POR: variants seen among roughly 807,000 people sequenced by gnomAD.
POR encodes the protein NADPH--cytochrome P450 reductase.
Under a neutral mutation model 84.0 loss-of-function variants are expected in POR, and 56 were observed. The observed-to-expected ratio is 0.67, with a 90% CI of 0.54 to 0.83. The LOEUF is 0.83. Ranked by LOEUF, POR falls within the 40% of genes least tolerant of loss-of-function variation. The pLI, the probability that POR is intolerant of heterozygous loss-of-function variation, is 0.00. For missense variants in POR, 938 were observed against 944.3 expected (o/e 0.99, Z 0.09); for synonymous variants, 414 against 400.5 (o/e 1.03, Z -0.40).
chr7:75,985,261 C>T (rs2116626569), intron 12 of POR, 54 bp downstream of exon 12: 7 of 1,517,332 alleles, frequency 4.6e-6, no homozygotes, highest in East Asian at 2.4e-5. Flanking sequence ...GCCCTGCTCA[C>T]AGCAGGCAGA....
Position 75,922,852 on chromosome 7 carries a change from G to T in POR, c.-5+7673G>T. 5.3e-6 allele frequency: 3 copies of T among 564,178 alleles called. No homozygotes were observed. In the Admixed American group the frequency reaches 8.1e-5, roughly 15 times the overall value. The allele number at this position is 564,178 out of a possible 1,614,324, so 34.9% of individuals were successfully genotyped here. ...CCTCAAAGCCACCCAGTCAAAGTAG[G>T]CACTTTTGGCAAAGGAGGAGCAGAG... On this transcript the variant is annotated intron_variant, in intron 1 of 15. Transcript: ENST00000461988.
chr7:75,969,422 T>G (rs1457070997), intron 2 of POR, among the ~76,000 whole-genome samples: 1 of 152,200 alleles, frequency 6.6e-6, no homozygotes, highest in Admixed American at 6.5e-5. Context: ...GGAGGCTGTC[T>G]TCCCCTGGCT....
intron 1 of POR, among the ~76,000 whole-genome samples, chr7:75,945,985 A>G (rs1787156859): frequency 6.6e-6 from 1 of 152,044 alleles, no homozygotes; most frequent in African/African-American, 2.4e-5. Flanking sequence ...GAAGCTGGTG[A>G]GGCTCCTGCC....
chr7:75,938,408 C>A (rs572441187), intron 1 of POR, among the ~76,000 whole-genome samples: 93 of 152,220 alleles, frequency 6.1e-4, no homozygotes, highest in Non-Finnish European at 1.1e-3. Context: ...GGGCCAAACA[C>A]CTTAGACTGG....
rs148176978 is a variant in POR at position 75,924,242 on chromosome 7, A to C, written c.-5+9063A>C. Among the ~76,000 whole-genome samples the C allele has an allele frequency of 2.8e-3, 420 of 152,350 alleles. 3 individuals carry two copies. The highest frequency in any genetic ancestry group is 9.5e-3 in the African/African-American group (394 of 41,584). Reference sequence around the variant, plus strand: ...ATGCTCACTTGTCTCTGCAAAAAAAAAGAAAAGAAAAATTGTGTCTCAAGT... The same window carrying C: ...ATGCTCACTTGTCTCTGCAAAAAAACAGAAAAGAAAAATTGTGTCTCAAGT... On this transcript the variant is annotated intron_variant, in intron 1 of 15. Transcript: ENST00000461988.
chr7:75,934,639 TG>T (rs1807583989), intron 1 of POR, among the ~76,000 whole-genome samples: 1 of 152,262 alleles, frequency 6.6e-6, no homozygotes, highest in East Asian at 1.9e-4. Context: ...ATTACAGTTG[TG>T]GAGGCCTCAG....
intron 1 of POR, among the ~76,000 whole-genome samples, chr7:75,940,610 C>A (rs1554551396): frequency 6.6e-6 from 1 of 151,390 alleles, no homozygotes; most frequent in Non-Finnish European, 1.5e-5. Context: ...TGGTGAAACC[C>A]CATCTCTACT....
rs1554547890 is a variant in POR at position 75,915,177 on chromosome 7, G to C, written c.-7G>C. The C allele has an allele frequency of 6.5e-6, 1 of 154,492 alleles. No homozygotes were observed. Among genetic ancestry groups the C allele is most frequent in the Non-Finnish European group, 1.5e-5 (1 of 68,446 alleles). The allele number at this position is 154,492 out of a possible 1,614,324, so 9.6% of individuals were successfully genotyped here. ...CCCGCAGAGAGCAGCCGGGCTGCCA[G>C]CGGTGAGTGCTATCTTTCGCGGCGA... On this transcript the variant is annotated splice_region_variant and 5_prime_UTR_variant, in exon 1 of 16. Coordinates refer to ENST00000461988, the MANE Select transcript of POR (RefSeq NM_000941.3).
intron 2 of POR, among the ~76,000 whole-genome samples, chr7:75,964,328 A>T (rs189562067): frequency 2.2e-4 from 33 of 148,980 alleles, no homozygotes; most frequent in Middle Eastern, 3.9e-3. Context: ...TCTTTTTGAG[A>T]CTAAGTCTCG....
intron 2 of POR, among the ~76,000 whole-genome samples, chr7:75,968,969 G>T (rs957995183): frequency 6.6e-6 from 1 of 152,234 alleles, no homozygotes; most frequent in Non-Finnish European, 1.5e-5. Flanking sequence ...TTCCCGTGGG[G>T]CTGTCTCTCC....
intron 2 of POR, among the ~76,000 whole-genome samples, chr7:75,963,770 G>T (rs571767771): frequency 6.6e-6 from 1 of 152,196 alleles, no homozygotes; most frequent in South Asian, 2.1e-4. Flanking sequence ...TGCTGGTAGA[G>T]CCCAGGCACA....
chr7:75,968,080 C>T (rs1299036540), intron 2 of POR: 4 of 455,212 alleles, frequency 8.8e-6, no homozygotes, highest in African/African-American at 8.0e-5. Flanking sequence ...GAGTGAGAAG[C>T]CATGGGGTGC....
intron 2 of POR, chr7:75,967,884 C>G (rs782707693): frequency 7.4e-5 from 27 of 365,350 alleles, no homozygotes; most frequent in Non-Finnish European, 1.4e-4. Flanking sequence ...CAGACGCAGG[C>G]AGGAGCTCAG....
rs201302074 is a variant in POR at position 75,917,381 on chromosome 7, TTC to T, written c.-5+2204_-5+2205del. ...CCGTTCCTGGCTTTCTTATTTCTTC[TTC>T]TTTTTTTTTTTTTTTTTTCTGATGG... On this transcript the variant is annotated intron_variant, in intron 1 of 15. Transcript: ENST00000461988. Among the ~76,000 whole-genome samples, 872 of 132,158 alleles carry T rather than the reference TTC, an allele frequency of 6.6e-3. 40 individuals are homozygous for T. The highest frequency in any genetic ancestry group is 0.027 in the African/African-American group (716 of 26,446). 86.7% of individuals were successfully genotyped at this position (132,158 alleles called of 152,430 possible). A position where few individuals can be genotyped will look rare whatever the true frequency, so the allele number is the denominator to read the frequency against.
At chr7:75,962,555 A>G (rs1352414274) in intron 2 of POR, among the ~76,000 whole-genome samples, 2 of 152,200 alleles carry the variant, frequency 1.3e-5, no homozygotes, top group African/African-American at 2.4e-5. Flanking sequence ...CTCTTGCCTC[A>G]GCCTCCCAAA....
chr7:75,978,993 C>T (rs969354224), intron 3 of POR, among the ~76,000 whole-genome samples: 3 of 152,068 alleles, frequency 2.0e-5, no homozygotes, highest in Non-Finnish European at 4.4e-5. Context: ...GATGGAGTTT[C>T]ACCATGTTGG....
Position 75,986,211 on chromosome 7 carries a change from T to G in POR, c.1868T>G (p.Ile623Ser). The change falls in exon 15 of 16, where the codon ATC becomes AGC. Residue 623 changes from isoleucine (I) to serine (S), a missense_variant. Ile to Ser is a moderately radical substitution (Grantham distance 142). Coordinates refer to ENST00000461988, the MANE Select transcript of POR (RefSeq NM_000941.3). ...GACCGAGAGCACCTGTGGAAGTTGA[T>G]CGAAGGCGGTGCCCACATCTACGTC... is the stretch of plus-strand genomic sequence containing the variant. 4 of 1,612,542 alleles carry G rather than the reference T, an allele frequency of 2.5e-6. No individual in the cohort carries two copies. The highest frequency in any genetic ancestry group is 3.4e-6 in the Non-Finnish European group (4 of 1,179,760).
intron 2 of POR, among the ~76,000 whole-genome samples, chr7:75,966,877 C>G (rs782508461): frequency 5.3e-5 from 8 of 152,188 alleles, no homozygotes; most frequent in African/African-American, 1.7e-4. Context: ...TTAATTGGAA[C>G]CTTTCATGCT....
intron 1 of POR, among the ~76,000 whole-genome samples, chr7:75,945,144 G>A (rs782346091): frequency 1.3e-5 from 2 of 152,008 alleles, no homozygotes; most frequent in Non-Finnish European, 2.9e-5. Context: ...AGCCAGGTGT[G>A]GTGAGGCACA....
Sources: allele counts gnomAD v4.1 joint callset (sites outside exome capture counted in the v4.1 genomes callset), GRCh38; gene constraint gnomAD v4.1.1; transcripts MANE v1.5; gene names NCBI Gene and HGNC (gene_info 2026-07-23, HGNC 2026-07-21).